RCC1: variants seen among roughly 807,000 people sequenced by gnomAD.
RCC1 encodes regulator of chromosome condensation 1.
Under a neutral mutation model 44.4 loss-of-function variants are expected in RCC1, and 11 were observed. The observed-to-expected ratio is 0.25, with a 90% CI of 0.16 to 0.41. RCC1 has a LOEUF of 0.41. Ranked by LOEUF, RCC1 falls within the 10% of genes least tolerant of loss-of-function variation. The pLI, the probability that RCC1 is intolerant of heterozygous loss-of-function variation, is 1.00. For synonymous variants in RCC1, 213 were observed against 216.5 expected (o/e 0.98, Z 0.14); for missense variants, 386 against 547.1 (o/e 0.71, Z 2.94).
intron 4 of RCC1, among the ~76,000 whole-genome samples, chr1:28,525,949 A>G (rs923864461): frequency 2.4e-4 from 36 of 152,230 alleles, no homozygotes; most frequent in African/African-American, 8.4e-4. Flanking sequence ...AACATTAGGT[A>G]GAGGCTTAGA....
At position 28,511,716 on chromosome 1, in the gene RCC1, A is replaced by C. The variant is rs1180327750; in HGVS notation, c.-153+2811A>C. 4.7e-5 allele frequency among the ~76,000 whole-genome samples: 7 copies of C among 150,460 alleles called. No individual in the cohort carries two copies. In the East Asian group the frequency reaches 1.4e-3, roughly 29 times the overall value. ...TCACTCTGTCTCCAGGAGGGAGTGC[A>C]ATGGAGCCATCTTGGCTTGCTGCAA... On this transcript the variant is annotated intron_variant, in intron 3 of 12. Transcript: ENST00000683442.
intron 4 of RCC1, among the ~76,000 whole-genome samples, chr1:28,528,625 T>C (rs774921068): frequency 9.9e-5 from 15 of 152,098 alleles, no homozygotes; most frequent in Admixed American, 1.3e-4. Flanking sequence ...AGACTCCGTC[T>C]CAAAAAACAG....
intron 2 of RCC1, 100 bp downstream of exon 2, chr1:28,508,260 A>T (rs934773858): frequency 2.7e-6 from 1 of 374,338 alleles, no homozygotes; most frequent in African/African-American, 2.1e-5. Context: ...GTTGGTCAGG[A>T]TTTACCTCTG....
chr1:28,515,180 C>T (rs1287405696), intron 3 of RCC1, among the ~76,000 whole-genome samples: 2 of 152,016 alleles, frequency 1.3e-5, no homozygotes, highest in Non-Finnish European at 2.9e-5. Context: ...ATCCCAGCTA[C>T]TCGGGAGGCT....
At position 28,534,446 on chromosome 1, in the gene RCC1, C is replaced by T. The variant is rs541723871; in HGVS notation, c.442-604C>T. Among the ~76,000 whole-genome samples, 5 of 152,290 alleles carry T rather than the reference C, an allele frequency of 3.3e-5. No individual in the cohort carries two copies. The South Asian group carries it at 1.0e-3, about 32-fold the overall frequency. On this transcript the variant is annotated intron_variant, in intron 7 of 12. Coordinates refer to ENST00000683442, the MANE Select transcript of RCC1 (RefSeq NM_001381865.2). ...TCGCCCGCCTTGGCCTCCCAAAGTG[C>T]TGGGATTACAGGCATGAGCCACCGC...
At chr1:28,528,494 G>A (rs1188026773) in intron 4 of RCC1, among the ~76,000 whole-genome samples, 1 of 152,090 alleles carries the variant, frequency 6.6e-6, no homozygotes, top group African/African-American at 2.4e-5. Flanking sequence ...AGGGCATGGT[G>A]ATGCACACCT....
chr1:28,538,751 G>A lies in RCC1; in HGVS notation c.*744G>A, dbSNP rs1664715198. ...CTGGGCAGAGCAGAGCAGGGTATGG[G>A]GTGGGGAGAGAGGGTGGAGGGTTTT... is the stretch of plus-strand genomic sequence containing the variant. On this transcript the variant is annotated 3_prime_UTR_variant, in exon 13 of 13. Transcript: ENST00000683442. The A allele has an allele frequency of 6.6e-6, 1 of 152,062 alleles. No homozygotes were observed. The highest frequency in any genetic ancestry group is 2.1e-4 in the South Asian group (1 of 4,828). The allele number at this position is 152,062 out of a possible 1,614,324, so 9.4% of individuals were successfully genotyped here.
At chr1:28,537,103 CTTA>C (rs921287209) in intron 12 of RCC1, among the ~76,000 whole-genome samples, 19 of 152,164 alleles carry the variant, frequency 1.2e-4, no homozygotes, top group African/African-American at 4.3e-4. Context: ...GTAAAGGTGA[CTTA>C]TTATGCAGAG....
chr1:28,507,505 A>G (rs751724819), intron 1 of RCC1: 12 of 518,844 alleles, frequency 2.3e-5, no homozygotes, highest in Non-Finnish European at 3.1e-5. Flanking sequence ...CTGCGCCTGC[A>G]TATTCCTACA....
chr1:28,536,645 C>G lies in RCC1; in HGVS notation c.938-102C>G. 1.5e-6 allele frequency: 2 copies of G among 1,379,128 alleles called. No homozygotes were observed. Among genetic ancestry groups the G allele is most frequent in the Non-Finnish European group, 2.0e-6 (2 of 994,482 alleles). The allele number at this position is 1,379,128 out of a possible 1,614,324, so 85.4% of individuals were successfully genotyped here. ...GATCTCCTTCTGATCGCTCTGGGAG[C>G]AGGGACACACTCCCATGGACAGGTG... On this transcript the variant is annotated intron_variant, in intron 11 of 12. Transcript: ENST00000683442. This position sits in a 1 kb window ranked among gnomAD's most constrained non-coding sequence, Gnocchi z 4.9.
Position 28,536,661 on chromosome 1 carries a change from T to C in RCC1, c.938-86T>C, listed in dbSNP as rs1377302135. ...CTCTGGGAGCAGGGACACACTCCCA[T>C]GGACAGGTGGACTCACCTAGCCTGC... On this transcript the variant is annotated intron_variant, in intron 11 of 12. Transcript: ENST00000683442. This position sits in a 1 kb window ranked among gnomAD's most constrained non-coding sequence, Gnocchi z 4.9. 30 of 1,483,846 alleles carry C rather than the reference T, an allele frequency of 2.0e-5. No homozygotes were observed. The highest frequency in any genetic ancestry group is 2.8e-5 in the Non-Finnish European group (30 of 1,080,282). 91.9% of individuals were successfully genotyped at this position (1,483,846 alleles called of 1,614,324 possible).
At chr1:28,532,420 T>A in intron 7 of RCC1, 70 bp downstream of exon 7, 1 of 1,517,088 alleles carries the variant, frequency 6.6e-7, no homozygotes, top group Admixed American at 1.8e-5. Context: ...CCAAAGATAA[T>A]CCACTTCCAT....
intron 7 of RCC1, chr1:28,532,578 T>C (rs1664247335): frequency 1.8e-6 from 1 of 545,822 alleles, no homozygotes; most frequent in South Asian, 1.9e-5. Context: ...TCCTGGGAAG[T>C]GAGTGGGTCA....
intron 4 of RCC1, among the ~76,000 whole-genome samples, chr1:28,523,046 T>TG (rs1286855056): frequency 2.4e-4 from 35 of 145,478 alleles, no homozygotes; most frequent in Non-Finnish European, 5.0e-4. Flanking sequence ...TTTTTTTTTT[T>TG]TTTGAGACGG....
chr1:28,506,491 C>G, intron 1 of RCC1: 1 of 317,210 alleles, frequency 3.2e-6, no homozygotes, highest in Non-Finnish European at 6.1e-6. Context: ...GGCCGGAAAT[C>G]ATGTAATTTA....
intron 2 of RCC1, chr1:28,508,479 G>A: frequency 2.2e-6 from 1 of 451,126 alleles, no homozygotes; most frequent in East Asian, 6.9e-5. Context: ...AGCTGAGAAA[G>A]ATACTAGCCC....
Position 28,535,880 on chromosome 1 carries a change from T to A in RCC1, c.671T>A (p.Leu224Gln). ...RGGRQGLERL[L>Q]VPKCVMLKSR... The stretch of plus-strand genomic sequence containing the variant: ...TTCCCTTTGCCTGCAGAACGACTCC[T>A]GGTCCCCAAGTGTGTGATGCTGAAA... The change falls in exon 10 of 13, where the codon CTG becomes CAG. Residue 224 changes from leucine to glutamine, a missense_variant. Coordinates refer to ENST00000683442, the MANE Select transcript of RCC1 (RefSeq NM_001381865.2). 6.2e-7 allele frequency: 1 copy of A among 1,613,054 alleles called. No homozygotes were observed. The highest frequency in any genetic ancestry group is 8.5e-7 in the Non-Finnish European group (1 of 1,179,392).
At chr1:28,511,902 G>A (rs574519044) in intron 3 of RCC1, among the ~76,000 whole-genome samples, 30 of 151,170 alleles carry the variant, frequency 2.0e-4, no homozygotes, top group East Asian at 1.6e-3. Flanking sequence ...GACCTCAAGT[G>A]ATCCACCTGC....
At chr1:28,510,942 A>T (rs1166890419) in intron 3 of RCC1, 1 of 152,202 alleles carries the variant, frequency 6.6e-6, no homozygotes, top group Non-Finnish European at 1.5e-5. Flanking sequence ...GGGTTTGGGT[A>T]ACTGCAGTGC....
Sources: allele counts gnomAD v4.1 joint callset (sites outside exome capture counted in the v4.1 genomes callset), GRCh38; gene constraint gnomAD v4.1.1; non-coding constraint Gnocchi (gnomAD v3.1); transcripts MANE v1.5; gene names NCBI Gene and HGNC (gene_info 2026-07-23, HGNC 2026-07-21).